The following RAB38 variants were observed in gnomAD, a reference collection of about 807,000 sequenced individuals.
RAB38 encodes the protein ras-related protein Rab-38.
A neutral mutation model predicts 18.4 loss-of-function variants in RAB38; 15 were observed. The ratio of observed to expected loss-of-function variants is 0.82; its 90% CI spans 0.55 to 1.26. RAB38 has a LOEUF of 1.26. RAB38 is among the 50% of genes most tolerant of loss of function. The pLI is 0.00. For missense variants in RAB38, 294 were observed against 267.4 expected, an observed-to-expected ratio of 1.10 and a Z score of -0.69; for synonymous variants, 101 against 104.4, an observed-to-expected ratio of 0.97 and a Z score of 0.20.
the RAB38 span, among the ~76,000 whole-genome samples, chr11:87,880,986 T>C: frequency 1.3e-4 from 19 of 151,950 alleles, no homozygotes; most frequent in South Asian, 3.7e-3. Context: ...GAAGGTACTT[T>C]GTTTTGTTTT....
At chr11:88,135,716 C>G (rs2171281) in intron 2 of RAB38, among the ~76,000 whole-genome samples, 37,431 of 152,150 alleles carry the variant, frequency 0.25, 4,703 homozygotes, top group Non-Finnish European at 0.28. Context: ...TCCAAAGAAA[C>G]TCTTCCTTTT....
the RAB38 span, among the ~76,000 whole-genome samples, chr11:88,072,202 G>A: frequency 1.3e-5 from 2 of 152,172 alleles, no homozygotes; most frequent in African/African-American, 4.8e-5. Context: ...TGAAGAAAGA[G>A]GAAGCTTGTA....
the RAB38 span, among the ~76,000 whole-genome samples, chr11:88,024,763 AG>A: frequency 6.6e-5 from 10 of 152,352 alleles, no homozygotes; most frequent in African/African-American, 2.4e-4. Context: ...AGGCACAGAA[AG>A]ACAAACATCT....
the RAB38 span, among the ~76,000 whole-genome samples, chr11:87,967,127 A>T: frequency 3.3e-5 from 5 of 152,228 alleles, no homozygotes; most frequent in Non-Finnish European, 7.3e-5. Context: ...CTTTAATGTC[A>T]TTGGACTTCA....
intron 2 of RAB38, among the ~76,000 whole-genome samples, chr11:88,126,116 T>C (rs1698418391): frequency 6.6e-6 from 1 of 152,226 alleles, no homozygotes; most frequent in Admixed American, 6.5e-5. Flanking sequence ...TTGGTTACTG[T>C]AGCCTTGTAG....
At chr11:88,018,197 T>TA in the RAB38 span, among the ~76,000 whole-genome samples, 5 of 152,274 alleles carry the variant, frequency 3.3e-5, no homozygotes, top group Admixed American at 6.5e-5. Flanking sequence ...TGCCAGCTAA[T>TA]AACCCTGCTT....
the RAB38 span, among the ~76,000 whole-genome samples, chr11:88,022,537 T>A: frequency 7.7e-6 from 1 of 130,426 alleles, no homozygotes; most frequent in African/African-American, 3.0e-5. Context: ...GCATCCAAAT[T>A]GGAAAGGAAG....
At chr11:87,812,922 G>A in the RAB38 span, among the ~76,000 whole-genome samples, 1 of 152,100 alleles carries the variant, frequency 6.6e-6, no homozygotes, top group Non-Finnish European at 1.5e-5. Flanking sequence ...CTTTTTTAAT[G>A]AATGAGAAAC....
At chr11:88,150,732 C>A (rs532217607) in intron 1 of RAB38, among the ~76,000 whole-genome samples, 19 of 152,266 alleles carry the variant, frequency 1.2e-4, no homozygotes, top group Non-Finnish European at 2.4e-4. Context: ...CTTAAGAAAT[C>A]ATAATTCAAA....
the RAB38 span, among the ~76,000 whole-genome samples, chr11:87,908,355 G>A: frequency 6.6e-6 from 1 of 151,918 alleles, no homozygotes; most frequent in African/African-American, 2.4e-5. Context: ...AATGTTATCA[G>A]GATGCCAAAT....
chr11:88,110,977 C>T (rs1391384216), downstream of RAB38, among the ~76,000 whole-genome samples: 1 of 151,888 alleles, frequency 6.6e-6, no homozygotes, highest in African/African-American at 2.4e-5. Flanking sequence ...CCTGTCTCTA[C>T]TAAAAATGAA....
the RAB38 span, among the ~76,000 whole-genome samples, chr11:87,940,333 C>T: frequency 1.3e-5 from 2 of 152,106 alleles, no homozygotes; most frequent in South Asian, 2.1e-4. Flanking sequence ...ACACTCATCT[C>T]TCTTTGCCCA....
At chr11:87,857,627 T>A in the RAB38 span, among the ~76,000 whole-genome samples, 2 of 152,242 alleles carry the variant, frequency 1.3e-5, no homozygotes, top group African/African-American at 4.8e-5. Context: ...ATGATGAGAA[T>A]TTTTTCATGT....
the RAB38 span, among the ~76,000 whole-genome samples, chr11:88,032,563 G>A: frequency 0.018 from 2,768 of 152,248 alleles, 109 homozygotes; most frequent in Non-Finnish European, 0.015. Flanking sequence ...AAAAGTGGGC[G>A]AAGGAAATGG....
the RAB38 span, among the ~76,000 whole-genome samples, chr11:88,059,253 G>T: frequency 6.6e-6 from 1 of 152,170 alleles, no homozygotes; most frequent in Non-Finnish European, 1.5e-5. Context: ...ATTAACACAC[G>T]TTTTGAATGG....
At chr11:88,074,047 A>T in the RAB38 span, among the ~76,000 whole-genome samples, 3 of 51,540 alleles carry the variant, frequency 5.8e-5, no homozygotes, top group East Asian at 2.7e-3. Context: ...AAAATTCCCT[A>T]AAAAAAAAAA....
chr11:87,976,738 ATATT>A, the RAB38 span, among the ~76,000 whole-genome samples: 2 of 116,448 alleles, frequency 1.7e-5, no homozygotes, highest in Admixed American at 1.0e-4. Flanking sequence ...TATATAATAT[ATATT>A]TATATATTTA....
At chr11:87,922,852 A>C in the RAB38 span, among the ~76,000 whole-genome samples, 1 of 151,402 alleles carries the variant, frequency 6.6e-6, no homozygotes, top group East Asian at 2.0e-4. Context: ...CAGCGGAAAC[A>C]GAGAGGAGGA....
chr11:87,811,867 G>T, the RAB38 span, among the ~76,000 whole-genome samples: 1 of 152,170 alleles, frequency 6.6e-6, no homozygotes, highest in African/African-American at 2.4e-5. Context: ...TGGTTGAAAA[G>T]TGATTGAAAT....
Sources: gnomAD v4.1 joint callset for allele counts (sites outside exome capture counted in the v4.1 genomes callset) on GRCh38, gnomAD v4.1.1 for gene constraint, MANE v1.5 for transcripts, NCBI Gene and HGNC (gene_info 2026-07-23, HGNC 2026-07-21) for gene names.